The following DOP1A variants were observed in gnomAD, a reference collection of about 807,000 sequenced individuals.
DOP1A encodes DOP1 leucine zipper like protein A, also known as protein DOP1A.
DOP1A carries 90 observed loss-of-function variants against 267.6 expected under a neutral mutation model. That is an observed-to-expected ratio of 0.34 (90% CI 0.28 to 0.40). The LOEUF (loss-of-function observed/expected upper bound fraction) is 0.40, where lower values mean the gene tolerates loss of function less well. DOP1A is among the 10% of genes least tolerant of loss of function. The pLI, the probability that DOP1A is intolerant of heterozygous loss-of-function variation, is 1.00. For synonymous variants in DOP1A, 932 were observed against 999.1 expected, an observed-to-expected ratio of 0.93 and a Z score of 1.27; for missense variants, 2,437 against 2,900.4, an observed-to-expected ratio of 0.84 and a Z score of 3.67.
intron 4 of DOP1A, among the ~76,000 whole-genome samples, chr6:83,105,356 C>CTTTTTTTTTTTTTTTTT (rs70987733): frequency 3.0e-5 from 2 of 65,892 alleles, no homozygotes; most frequent in Non-Finnish European, 5.6e-5. Flanking sequence ...GGATGTCTTT[C>CTTTTTTTTTTTTTTTTT]TTTTTTTTTT....
At chr6:83,079,441 C>T (rs578043832) in intron 1 of DOP1A, among the ~76,000 whole-genome samples, 20 of 151,862 alleles carry the variant, frequency 1.3e-4, no homozygotes, top group African/African-American at 4.6e-4. Flanking sequence ...AATTTGTTTA[C>T]AGATATTCAG....
chr6:83,165,821 G>T, intron 38 of DOP1A: 1 of 313,942 alleles, frequency 3.2e-6, no homozygotes, highest in South Asian at 2.9e-5. Context: ...CTTTCTGGTG[G>T]CCAATGCCGG....
chr6:83,154,603 G>A (rs1782363620), intron 33 of DOP1A, among the ~76,000 whole-genome samples: 1 of 152,156 alleles, frequency 6.6e-6, no homozygotes, highest in Admixed American at 6.5e-5. Context: ...ATGAGAGACT[G>A]ACAGATGGTG....
chr6:83,139,170 G>A lies in DOP1A; in HGVS notation c.5120+8G>A. On this transcript the variant is annotated splice_region_variant and intron_variant, in intron 21 of 38. Transcript: ENST00000349129. ...AGGATTATCTGATAGTAGGTAAGAG[G>A]TGATTTTTAACTTTATTGGTACTGA... 6.3e-7 allele frequency: 1 copy of A among 1,596,286 alleles called. No homozygotes were observed. The highest frequency in any genetic ancestry group is 2.2e-5 in the East Asian group (1 of 44,678).
At chr6:83,099,947 G>A (rs1772265665) in intron 3 of DOP1A, among the ~76,000 whole-genome samples, 2 of 152,006 alleles carry the variant, frequency 1.3e-5, no homozygotes, top group African/African-American at 4.8e-5. Context: ...TTCATTCTGA[G>A]TCTTCACTTT....
At chr6:83,099,437 G>T (rs910623626) in intron 3 of DOP1A, among the ~76,000 whole-genome samples, 2 of 152,044 alleles carry the variant, frequency 1.3e-5, no homozygotes, top group Non-Finnish European at 2.9e-5. Context: ...AAGGTAGTTA[G>T]GTTCTTTTTT....
chr6:83,135,787 T>G lies in DOP1A; in HGVS notation c.3039T>G (p.Arg1013=). Residue 1013 remains arginine (R), a synonymous_variant, in exon 20 of 39, where the codon CGT becomes CGG. Coordinates refer to ENST00000349129, the MANE Select transcript of DOP1A (RefSeq NM_015018.4). The part of the protein sequence containing the change: ...HPKTQRVSVQ[R]VQAERYWNKS... Reference sequence around the variant, plus strand: ...AAACTCAGAGGGTTTCAGTACAGCGTGTACAAGCAGAACGTTATTGGAATA... The same window carrying G: ...AAACTCAGAGGGTTTCAGTACAGCGGGTACAAGCAGAACGTTATTGGAATA... The G allele has an allele frequency of 3.7e-6, 6 of 1,613,714 alleles. No individual in the cohort carries two copies. Among genetic ancestry groups the G allele is most frequent in the Non-Finnish European group, 5.1e-6 (6 of 1,179,728 alleles).
intron 1 of DOP1A, among the ~76,000 whole-genome samples, chr6:83,079,387 A>G (rs952267138): frequency 6.6e-6 from 1 of 151,930 alleles, no homozygotes; most frequent in Non-Finnish European, 1.5e-5. Context: ...ATTCCATGGG[A>G]TTTTTTTTAA....
intron 24 of DOP1A, 100 bp downstream of exon 24, chr6:83,142,146 A>C: frequency 7.2e-7 from 1 of 1,383,744 alleles, no homozygotes; most frequent in Non-Finnish European, 9.8e-7. Context: ...GGTAGATTCG[A>C]GTGTAAAGCA....
chr6:83,116,923 C>G (rs1021653407), intron 7 of DOP1A, among the ~76,000 whole-genome samples: 4 of 152,124 alleles, frequency 2.6e-5, no homozygotes, highest in Non-Finnish European at 4.4e-5. Flanking sequence ...ATTTTCCTTG[C>G]AATGTCAGGC....
intron 15 of DOP1A, among the ~76,000 whole-genome samples, chr6:83,126,275 G>C (rs1777135887): frequency 6.6e-6 from 1 of 151,954 alleles, no homozygotes; most frequent in Non-Finnish European, 1.5e-5. Flanking sequence ...TAGGTGAAGA[G>C]TGGGGATCAA....
At position 83,125,632 on chromosome 6, in the gene DOP1A, C is replaced by T. The variant is rs755716038; in HGVS notation, c.1618C>T (p.Leu540Phe). The part of the protein sequence containing the change: ...TDSLRLCSKI[L>F]SKVQPPLLSA... Reference sequence around the variant, plus strand: ...TTCTCTCAGACTCTGCTCAAAGATCCTTAGCAAGGTTCAGCCTCCACTGTT... The same window carrying T: ...TTCTCTCAGACTCTGCTCAAAGATCTTTAGCAAGGTTCAGCCTCCACTGTT... The change falls in exon 15 of 39, where the codon CTT becomes TTT. Residue 540 changes from leucine (L) to phenylalanine (F), a missense_variant. Physicochemically the swap from Leu to Phe is conservative, Grantham distance 22 (BLOSUM62 0). Transcript: ENST00000349129. The T allele has an allele frequency of 1.2e-6, 2 of 1,613,736 alleles. No homozygotes were observed. Among genetic ancestry groups the T allele is most frequent in the Non-Finnish European group, 1.7e-6 (2 of 1,179,840 alleles).
chr6:83,130,448 A>ACCTAGTTTGACC, intron 17 of DOP1A, 51 bp downstream of exon 17: 1 of 1,545,966 alleles, frequency 6.5e-7, no homozygotes, highest in Non-Finnish European at 8.7e-7. Context: ...GCCATGTATG[A>ACCTAGTTTGACC]TACTTGACCT....
At chr6:83,133,920 CTAAT>C (rs1468842936) in intron 18 of DOP1A, among the ~76,000 whole-genome samples, 2 of 152,026 alleles carry the variant, frequency 1.3e-5, no homozygotes, top group South Asian at 2.1e-4. Flanking sequence ...ATATAGTAAA[CTAAT>C]TACTTAAAGT....
At chr6:83,133,506 C>A (rs1778391523) in intron 18 of DOP1A, among the ~76,000 whole-genome samples, 1 of 151,938 alleles carries the variant, frequency 6.6e-6, no homozygotes. Context: ...CTTGAAGGAT[C>A]CATAAATGCT....
At chr6:83,102,921 C>T (rs560004034) in intron 4 of DOP1A, among the ~76,000 whole-genome samples, 52 of 152,242 alleles carry the variant, frequency 3.4e-4, no homozygotes, top group Admixed American at 2.5e-3. Flanking sequence ...GGTCTCTTTG[C>T]TTATTATTAC....
At position 83,108,912 on chromosome 6, in the gene DOP1A, C is replaced by G. The variant is rs778367801; in HGVS notation, c.323C>G (p.Ser108Cys). The stretch of plus-strand genomic sequence containing the variant: ...CTTTGTCTTTATTTTTTTAATAGTT[C>G]TGGATTATTTCCTCTTCTTGCAAAT... The part of the protein sequence containing the change: ...RLAKDLFLYS[S>C]GLFPLLANAA... Residue 108 changes from serine to cysteine, a missense_variant and splice_region_variant, in exon 5 of 39, where the codon TCT becomes TGT. Transcript: ENST00000349129. The G allele has an allele frequency of 3.7e-6, 6 of 1,605,714 alleles. No homozygotes were observed. Among genetic ancestry groups the G allele is most frequent in the Non-Finnish European group, 5.1e-6 (6 of 1,175,944 alleles).
At chr6:83,099,798 C>T (rs1038050884) in intron 3 of DOP1A, among the ~76,000 whole-genome samples, 3 of 151,286 alleles carry the variant, frequency 2.0e-5, no homozygotes, top group East Asian at 1.9e-4. Flanking sequence ...ATACTCATAC[C>T]GCCTTTGATG....
At chr6:83,076,050 A>T (rs1315858717) in intron 1 of DOP1A, among the ~76,000 whole-genome samples, 1 of 152,218 alleles carries the variant, frequency 6.6e-6, no homozygotes, top group Non-Finnish European at 1.5e-5. Flanking sequence ...AAAGCAAACT[A>T]TGGAAAGGGA....
Sources: allele counts gnomAD v4.1 joint callset (sites outside exome capture counted in the v4.1 genomes callset), GRCh38; gene constraint gnomAD v4.1.1; transcripts MANE v1.5; gene names NCBI Gene and HGNC (gene_info 2026-07-23, HGNC 2026-07-21).